ZBTB8A: variants seen among roughly 807,000 people sequenced by gnomAD.
ZBTB8A encodes the protein zinc finger and BTB domain-containing protein 8A.
In ZBTB8A, 19 loss-of-function variants were observed where a neutral mutation model predicts 37.8. The ratio of observed to expected loss-of-function variants is 0.50; its 90% CI spans 0.35 to 0.74. The LOEUF is 0.74. Ranked by LOEUF, ZBTB8A falls within the 30% of genes least tolerant of loss-of-function variation. The probability of loss-of-function intolerance (pLI) is 0.01; values close to 1 mark genes in which losing one functional copy is unlikely to be tolerated. For synonymous variants in ZBTB8A, 181 were observed against 185.2 expected (o/e 0.98, Z 0.19); for missense variants, 394 against 537.8 (o/e 0.73, Z 2.65).
chr1:32,544,261 A>T lies in ZBTB8A; in HGVS notation c.-84+4689A>T, dbSNP rs115399941. 9.1e-3 allele frequency among the ~76,000 whole-genome samples: 1,390 copies of T among 152,380 alleles called. 28 individuals carry two copies. Among genetic ancestry groups the T allele is most frequent in the African/African-American group, 0.031 (1,300 of 41,588 alleles). On this transcript the variant is annotated intron_variant, in intron 1 of 4. Transcript: ENST00000373510. ...TTGTTGTGTGAACATCATAGAATGT[A>T]CTTACACAAACCTGGCTGATATAGC...
At chr1:32,555,185 C>T (rs183282894) in intron 2 of ZBTB8A, among the ~76,000 whole-genome samples, 4 of 152,082 alleles carry the variant, frequency 2.6e-5, no homozygotes, top group South Asian at 2.1e-4. Flanking sequence ...GTCAGGAGAT[C>T]GAGACCATCC....
rs1184958336 is a variant in ZBTB8A, at chr1:32,600,185, G to A, written c.1092G>A (p.Leu364=). The A allele has an allele frequency of 3.1e-6, 5 of 1,614,086 alleles. No homozygotes were observed. The highest frequency in any genetic ancestry group is 2.2e-5 in the East Asian group (1 of 44,896). Reference sequence around the variant, plus strand: ...AGGAGGGAACCAGGCGCTACAGACTGTGTAATGAGTGTCTTGCAGAATTTG... The same window carrying A: ...AGGAGGGAACCAGGCGCTACAGACTATGTAATGAGTGTCTTGCAGAATTTG... The part of the protein sequence containing the change: ...VVQEGTRRYR[L]CNECLAEFGI... The change falls in exon 5 of 5, where the codon CTG becomes CTA. Residue 364 remains leucine, a synonymous_variant. Coordinates refer to ENST00000373510, the MANE Select transcript of ZBTB8A (RefSeq NM_001040441.3).
intron 2 of ZBTB8A, among the ~76,000 whole-genome samples, chr1:32,556,923 A>G (rs1644207583): frequency 6.6e-6 from 1 of 152,106 alleles, no homozygotes; most frequent in Non-Finnish European, 1.5e-5. Flanking sequence ...CAATATATAT[A>G]ATACAAGGGA....
intron 2 of ZBTB8A, among the ~76,000 whole-genome samples, chr1:32,563,343 GC>G (rs1644257090): frequency 6.6e-6 from 1 of 152,178 alleles, no homozygotes; most frequent in Admixed American, 6.6e-5. Context: ...GTTGCAGTGA[GC>G]TATGATCACA....
rs539030672 is a variant in ZBTB8A at position 32,540,558 on chromosome 1, G to A, written c.-84+986G>A. Among the ~76,000 whole-genome samples, 55 of 152,268 alleles carry A rather than the reference G, an allele frequency of 3.6e-4. 1 individual carries two copies. The South Asian group carries it at 0.011, about 31-fold the overall frequency. Reference sequence around the variant, plus strand: ...TCACCTCTAGGCTAGGGTGACCATAGCCGCCCAGGGCCTCCTGTTCCCGCC... The same window carrying A: ...TCACCTCTAGGCTAGGGTGACCATAACCGCCCAGGGCCTCCTGTTCCCGCC... On this transcript the variant is annotated intron_variant, in intron 1 of 4. Coordinates refer to ENST00000373510, the MANE Select transcript of ZBTB8A (RefSeq NM_001040441.3).
Position 32,604,630 on chromosome 1 carries a change from A to G in ZBTB8A, c.*4211A>G, listed in dbSNP as rs1239219845. On this transcript the variant is annotated 3_prime_UTR_variant, in exon 5 of 5. Coordinates refer to ENST00000373510, the MANE Select transcript of ZBTB8A (RefSeq NM_001040441.3). ...TTCAATATTATATTTTCAGTAATGC[A>G]ATCAAAATAAGCATAGTTACTGTTT... 6.6e-6 allele frequency: 1 copy of G among 152,190 alleles called. No individual in the cohort carries two copies. The highest frequency in any genetic ancestry group is 1.9e-4 in the East Asian group (1 of 5,206). 9.4% of individuals were successfully genotyped at this position (152,190 alleles called of 1,614,324 possible).
Position 32,562,048 on chromosome 1 carries a change from C to T in ZBTB8A, c.-2+8508C>T, listed in dbSNP as rs573523145. The stretch of plus-strand genomic sequence containing the variant: ...CACTGCAGCCTCGAACTCCTGGGCT[C>T]ACACGAATCTCCTGCCTCAGCCTCC... On this transcript the variant is annotated intron_variant, in intron 2 of 4. Coordinates refer to ENST00000373510, the MANE Select transcript of ZBTB8A (RefSeq NM_001040441.3). Among the ~76,000 whole-genome samples, 304 of 151,912 alleles carry T rather than the reference C, an allele frequency of 2.0e-3. 2 individuals are homozygous for T. The highest frequency in any genetic ancestry group is 7.1e-3 in the African/African-American group (295 of 41,422).
intron 2 of ZBTB8A, among the ~76,000 whole-genome samples, chr1:32,557,140 A>G (rs1644209288): frequency 6.6e-6 from 1 of 151,870 alleles, no homozygotes; most frequent in South Asian, 2.1e-4. Context: ...CGTCTCTACT[A>G]AAAATACAAA....
At position 32,543,195 on chromosome 1, in the gene ZBTB8A, T is replaced by A. The variant is rs953686502; in HGVS notation, c.-84+3623T>A. Reference sequence around the variant, plus strand: ...GCCTCCCAGGGTCAAGCAATTCTCCTACCTCAGCCTCTCAAGCAGCTGGGA... The same window carrying A: ...GCCTCCCAGGGTCAAGCAATTCTCCAACCTCAGCCTCTCAAGCAGCTGGGA... On this transcript the variant is annotated intron_variant, in intron 1 of 4. Transcript: ENST00000373510. Among the ~76,000 whole-genome samples, 31 of 152,224 alleles carry A rather than the reference T, an allele frequency of 2.0e-4. 1 individual carries two copies. The highest frequency in any genetic ancestry group is 1.4e-3 in the Admixed American group (22 of 15,280).
intron 2 of ZBTB8A, among the ~76,000 whole-genome samples, chr1:32,575,615 A>G (rs898842806): frequency 1.3e-5 from 2 of 151,758 alleles, no homozygotes; most frequent in Non-Finnish European, 2.9e-5. Flanking sequence ...TTGAGGGTCC[A>G]TGGTGGGAGG....
chr1:32,558,438 A>AGC (rs1251531111), intron 2 of ZBTB8A, among the ~76,000 whole-genome samples: 16 of 145,768 alleles, frequency 1.1e-4, no homozygotes, highest in African/African-American at 3.5e-4. Context: ...CTAAGTATTA[A>AGC]ACACACACAC....
intron 2 of ZBTB8A, among the ~76,000 whole-genome samples, chr1:32,560,818 G>A (rs1030175179): frequency 6.6e-6 from 1 of 151,542 alleles, no homozygotes; most frequent in African/African-American, 2.4e-5. Flanking sequence ...TAGAGACAGG[G>A]TTTCACCATG....
chr1:32,542,531 G>A (rs1247463960), intron 1 of ZBTB8A, among the ~76,000 whole-genome samples: 1 of 152,100 alleles, frequency 6.6e-6, no homozygotes, highest in Non-Finnish European at 1.5e-5. Context: ...CCGAGATTGC[G>A]CCACTGCACT....
chr1:32,564,965 A>C (rs1217925946), intron 2 of ZBTB8A, among the ~76,000 whole-genome samples: 3 of 152,166 alleles, frequency 2.0e-5, no homozygotes, highest in Non-Finnish European at 4.4e-5. Flanking sequence ...TACTTTGCAA[A>C]GTGACTAATT....
chr1:32,597,753 G>A (rs1477428054), intron 4 of ZBTB8A, among the ~76,000 whole-genome samples: 1 of 152,020 alleles, frequency 6.6e-6, no homozygotes, highest in Non-Finnish European at 1.5e-5. Flanking sequence ...TTGTTTGTTT[G>A]TTTGTTTGTT....
chr1:32,551,927 T>G (rs919788080), intron 1 of ZBTB8A, among the ~76,000 whole-genome samples: 1 of 152,170 alleles, frequency 6.6e-6, no homozygotes, highest in African/African-American at 2.4e-5. Context: ...TGTTGAATTT[T>G]TAAAGCTATT....
intron 2 of ZBTB8A, among the ~76,000 whole-genome samples, chr1:32,562,772 G>A (rs531741433): frequency 1.3e-5 from 2 of 151,416 alleles, no homozygotes; most frequent in African/African-American, 2.4e-5. Flanking sequence ...TAGTAGAGAC[G>A]GGGTTTCACC....
At position 32,597,733 on chromosome 1, in the gene ZBTB8A, AC is replaced by A. The variant is rs528771002; in HGVS notation, c.994-2351del. Among the ~76,000 whole-genome samples the A allele has an allele frequency of 7.9e-5, 12 of 152,166 alleles. No homozygotes were observed. In the East Asian group the frequency reaches 2.3e-3, roughly 29 times the overall value. ...TAACAAAAACAATACCACATTTGAT[AC>A]CCATAGTTTTGTTTGTTTGTTTGTT... On this transcript the variant is annotated intron_variant, in intron 4 of 4. Transcript: ENST00000373510.
At chr1:32,556,511 C>T (rs1342727003) in intron 2 of ZBTB8A, among the ~76,000 whole-genome samples, 1 of 152,146 alleles carries the variant, frequency 6.6e-6, no homozygotes, top group Non-Finnish European at 1.5e-5. Flanking sequence ...GGACCACAGG[C>T]ATGCACCATC....
Sources: gnomAD v4.1 joint callset for allele counts (sites outside exome capture counted in the v4.1 genomes callset) on GRCh38, gnomAD v4.1.1 for gene constraint, MANE v1.5 for transcripts, NCBI Gene and HGNC (gene_info 2026-07-23, HGNC 2026-07-21) for gene names.